LY86: variants seen among roughly 807,000 people sequenced by gnomAD.
LY86 encodes lymphocyte antigen 86.
In LY86, 20 loss-of-function variants were observed where a neutral mutation model predicts 17.3. The observed-to-expected ratio is 1.15, with a 90% CI of 0.81 to 1.68. The LOEUF is 1.68. LY86 is among the 40% of genes most tolerant of loss of function. The pLI, the probability that LY86 is intolerant of heterozygous loss-of-function variation, is 0.00. For missense variants in LY86, 200 were observed against 191.9 expected (o/e 1.04, Z -0.25); for synonymous variants, 74 against 70.6 (o/e 1.05, Z -0.24).
At chr6:6,642,948 G>A (rs1484665794) in intron 3 of LY86, among the ~76,000 whole-genome samples, 2 of 152,132 alleles carry the variant, frequency 1.3e-5, no homozygotes, top group African/African-American at 4.8e-5. Context: ...CCCTCACCTT[G>A]GTCCTCCATT....
At chr6:6,602,743 A>T (rs1468733380) in intron 1 of LY86, among the ~76,000 whole-genome samples, 14 of 152,072 alleles carry the variant, frequency 9.2e-5, no homozygotes. Context: ...TGGGGTATTG[A>T]TCTATCAACT....
At chr6:6,612,003 C>CTATGAGTACTGAGCAG (rs1761357660) in intron 1 of LY86, among the ~76,000 whole-genome samples, 1 of 152,134 alleles carries the variant, frequency 6.6e-6, no homozygotes, top group South Asian at 2.1e-4. Flanking sequence ...GTACTGAACA[C>CTATGAGTACTGAGCAG]TATGAAAATA....
In LY86 at chr6:6,588,828, G is replaced by T; in HGVS notation, c.94G>T (p.Val32Phe). ...TGGGAAAGCCTGGCCCACACACGTG[G>T]TCTGTAGCGACAGCGGCTTGGAAGT... is the stretch of plus-strand genomic sequence containing the variant. ...GGGKAWPTHV[V>F]CSDSGLEVLY... Residue 32 changes from valine (V) to phenylalanine (F), a missense_variant, in exon 1 of 5, where the codon GTC becomes TTC. By Grantham distance (50) the Val-to-Phe change is conservative. Transcript: ENST00000230568. 1 of 1,614,156 alleles carries T rather than the reference G, an allele frequency of 6.2e-7. No homozygotes were observed. Among genetic ancestry groups the T allele is most frequent in the Non-Finnish European group, 8.5e-7 (1 of 1,180,014 alleles).
intron 1 of LY86, among the ~76,000 whole-genome samples, chr6:6,617,307 A>G (rs1011231186): frequency 1.3e-5 from 2 of 152,198 alleles, no homozygotes; most frequent in African/African-American, 4.8e-5. Context: ...TAGACAGTTA[A>G]GAAACATATT....
chr6:6,617,423 G>A (rs982575417), intron 1 of LY86, among the ~76,000 whole-genome samples: 3 of 152,182 alleles, frequency 2.0e-5, no homozygotes, highest in African/African-American at 7.2e-5. Context: ...GTCTACAGAA[G>A]ACTATAAAAT....
At chr6:6,598,072 C>G (rs1760774975) in intron 1 of LY86, among the ~76,000 whole-genome samples, 1 of 152,178 alleles carries the variant, frequency 6.6e-6, no homozygotes, top group Non-Finnish European at 1.5e-5. Flanking sequence ...ATTTAGTCGT[C>G]TTATATTGTA....
chr6:6,600,399 G>C (rs1216174310), intron 1 of LY86, among the ~76,000 whole-genome samples: 1 of 151,818 alleles, frequency 6.6e-6, no homozygotes, highest in Non-Finnish European at 1.5e-5. Context: ...AGATCAGTCG[G>C]TCCAACATGA....
intron 1 of LY86, among the ~76,000 whole-genome samples, chr6:6,613,980 T>C (rs945939119): frequency 6.6e-6 from 1 of 152,234 alleles, no homozygotes; most frequent in Non-Finnish European, 1.5e-5. Context: ...GATGGAGATA[T>C]TTTTCATACA....
chr6:6,596,265 A>C (rs1484265271), intron 1 of LY86, among the ~76,000 whole-genome samples: 1 of 152,214 alleles, frequency 6.6e-6, no homozygotes, highest in Admixed American at 6.5e-5. Context: ...AACCAACAGG[A>C]TATATTGATA....
chr6:6,602,851 A>C (rs1760955061), intron 1 of LY86, among the ~76,000 whole-genome samples: 1 of 152,328 alleles, frequency 6.6e-6, no homozygotes, highest in East Asian at 1.9e-4. Flanking sequence ...CAGTCACAGA[A>C]AGCCCTCAAG....
chr6:6,614,696 T>G (rs1468175569), intron 1 of LY86, among the ~76,000 whole-genome samples: 1 of 152,100 alleles, frequency 6.6e-6, no homozygotes, highest in African/African-American at 2.4e-5. Flanking sequence ...AATCTTTTCA[T>G]GCCTAAGATC....
At chr6:6,642,202 T>C (rs1009206341) in intron 3 of LY86, among the ~76,000 whole-genome samples, 2 of 152,262 alleles carry the variant, frequency 1.3e-5, no homozygotes, top group Non-Finnish European at 2.9e-5. Context: ...CTACAGGCCC[T>C]GACCCAGTAG....
chr6:6,650,302 A>G (rs1191917506), intron 4 of LY86, among the ~76,000 whole-genome samples: 3 of 152,070 alleles, frequency 2.0e-5, no homozygotes, highest in African/African-American at 7.2e-5. Flanking sequence ...ACTCTGCTAT[A>G]AGCAATAAAT....
chr6:6,633,389 T>G (rs991386667), intron 3 of LY86, among the ~76,000 whole-genome samples: 4 of 152,132 alleles, frequency 2.6e-5, no homozygotes, highest in Non-Finnish European at 5.9e-5. Context: ...AAAAATTGTT[T>G]TATATTATTT....
intron 1 of LY86, among the ~76,000 whole-genome samples, chr6:6,609,370 C>G (rs1362824845): frequency 1.3e-5 from 2 of 152,226 alleles, no homozygotes; most frequent in African/African-American, 4.8e-5. Context: ...CAGTTCAAGA[C>G]ATACGGGTGG....
intron 1 of LY86, among the ~76,000 whole-genome samples, chr6:6,610,652 C>G (rs965031115): frequency 2.0e-5 from 3 of 152,106 alleles, no homozygotes; most frequent in Non-Finnish European, 4.4e-5. Context: ...AATGGTCAAG[C>G]TAGAAGGCCA....
At chr6:6,625,290 AAAAAGGAAAATATTTTGAGATT>A (rs1192172713) in intron 2 of LY86, among the ~76,000 whole-genome samples, 1 of 152,214 alleles carries the variant, frequency 6.6e-6, no homozygotes, top group African/African-American at 2.4e-5. Context: ...CCCAGCAAAA[AAAAAGGAAAATATTTTGAGATT>A]AAGTATTAAT....
intron 1 of LY86, among the ~76,000 whole-genome samples, chr6:6,603,523 TAAA>T (rs200582559): frequency 7.3e-6 from 1 of 136,344 alleles, no homozygotes; most frequent in Non-Finnish European, 1.6e-5. Context: ...GAGCTTGCAA[TAAA>T]AAAAATAGCA....
chr6:6,640,752 G>A (rs1762028971), intron 3 of LY86, among the ~76,000 whole-genome samples: 1 of 152,002 alleles, frequency 6.6e-6, no homozygotes, highest in Non-Finnish European at 1.5e-5. Flanking sequence ...AAAAGAAAAG[G>A]AGGGTAGAGA....
Sources: allele counts gnomAD v4.1 joint callset (sites outside exome capture counted in the v4.1 genomes callset), GRCh38; gene constraint gnomAD v4.1.1; transcripts MANE v1.5; gene names NCBI Gene and HGNC (gene_info 2026-07-23, HGNC 2026-07-21).